Variants in HPCAL1 observed in about 807,000 individuals in gnomAD.
The protein encoded by HPCAL1 is hippocalcin like 1, also known as hippocalcin-like protein 1.
Under a neutral mutation model 17.1 loss-of-function variants are expected in HPCAL1, and 8 were observed. The ratio of observed to expected loss-of-function variants is 0.47; its 90% confidence interval spans 0.27 to 0.84. The LOEUF (loss-of-function observed/expected upper bound fraction) is 0.84. Among genes scored for constraint, HPCAL1 ranks in the 40% least tolerant of loss-of-function variants. The pLI, the probability that HPCAL1 is intolerant of heterozygous loss-of-function variation, is 0.13. For synonymous variants in HPCAL1, 112 were observed against 111.4 expected (o/e 1.01, Z -0.03); for missense variants, 165 against 271.1 (o/e 0.61, Z 2.75).
intron 2 of HPCAL1, among the ~76,000 whole-genome samples, chr2:10,411,347 C>T (rs1359509329): frequency 1.3e-5 from 2 of 152,202 alleles, no homozygotes; most frequent in Non-Finnish European, 2.9e-5. Context: ...AAGCCTCGGT[C>T]CCTTGTCCCT....
At chr2:10,381,919 A>G (rs1476533831) in intron 1 of HPCAL1, among the ~76,000 whole-genome samples, 1 of 152,200 alleles carries the variant, frequency 6.6e-6, no homozygotes, top group Non-Finnish European at 1.5e-5. Flanking sequence ...GCTCCTTGAT[A>G]TTTACCCAGA....
rs189709395 is a variant in HPCAL1 at position 10,338,986 on chromosome 2, T to G, written c.-111+35809T>G. On this transcript the variant is annotated intron_variant, in intron 1 of 4. Coordinates refer to ENST00000307845, the MANE Select transcript of HPCAL1 (RefSeq NM_002149.4). ...AATTCTCAAAGCAGCCCTGTGGCACTGAGGTGGCTGGAGATGGAGGGATGT... is the reference window on the plus strand; with the variant it reads ...AATTCTCAAAGCAGCCCTGTGGCACGGAGGTGGCTGGAGATGGAGGGATGT... Among the ~76,000 whole-genome samples the G allele has an allele frequency of 1.6e-3, 245 of 152,276 alleles. 1 individual carries two copies. Among genetic ancestry groups the G allele is most frequent in the African/African-American group, 5.4e-3 (226 of 41,558 alleles).
At chr2:10,416,749 GAATT>G (rs1312152403) in intron 2 of HPCAL1, among the ~76,000 whole-genome samples, 1 of 149,714 alleles carries the variant, frequency 6.7e-6, no homozygotes, top group Non-Finnish European at 1.5e-5. Context: ...TTCCTCTTGT[GAATT>G]AATTGAGTTT....
rs996585718 is a variant in HPCAL1, at chr2:10,328,030, C to T, written c.-111+24853C>T. 1.6e-4 allele frequency among the ~76,000 whole-genome samples: 24 copies of T among 152,196 alleles called. 1 individual carries two copies. The highest frequency in any genetic ancestry group is 5.5e-4 in the African/African-American group (23 of 41,454). Reference sequence around the variant, plus strand: ...TGTCCACAAGCTGTTCATGGTGTAGCTGTTCATGTAGCTCAGCTGTGGGAA... The same window carrying T: ...TGTCCACAAGCTGTTCATGGTGTAGTTGTTCATGTAGCTCAGCTGTGGGAA... On this transcript the variant is annotated intron_variant, in intron 1 of 4. Transcript: ENST00000307845.
rs967141505 is a variant in HPCAL1 at position 10,330,390 on chromosome 2, C to T, written c.-111+27213C>T. 6.6e-6 allele frequency among the ~76,000 whole-genome samples: 1 copy of T among 152,208 alleles called. No individual in the cohort carries two copies. The highest frequency in any genetic ancestry group is 1.5e-5 in the Non-Finnish European group (1 of 68,040). Reference sequence around the variant, plus strand: ...GCCACCCTGCCCCTCCCCACCAAGCCCTGAGTCGTCTAACCTTCCCGGTGT... The same window carrying T: ...GCCACCCTGCCCCTCCCCACCAAGCTCTGAGTCGTCTAACCTTCCCGGTGT... On this transcript the variant is annotated intron_variant, in intron 1 of 4. Coordinates refer to ENST00000307845, the MANE Select transcript of HPCAL1 (RefSeq NM_002149.4). This position sits in a 1 kb window ranked among gnomAD's most constrained non-coding sequence, Gnocchi z 4.2.
intron 1 of HPCAL1, among the ~76,000 whole-genome samples, chr2:10,311,516 C>T (rs908663219): frequency 2.0e-5 from 3 of 152,110 alleles, no homozygotes; most frequent in Non-Finnish European, 4.4e-5. Context: ...ATGCTGTTAC[C>T]TTATCTAAAA....
chr2:10,316,206 T>C (rs1663304718), intron 1 of HPCAL1, among the ~76,000 whole-genome samples: 1 of 152,238 alleles, frequency 6.6e-6, no homozygotes, highest in South Asian at 2.1e-4. Context: ...TGGTTTGATG[T>C]CCTGATACCA....
rs932397188 is a variant in HPCAL1, at chr2:10,342,335, C to T, written c.-111+39158C>T. Among the ~76,000 whole-genome samples the T allele has an allele frequency of 1.3e-5, 2 of 152,206 alleles. No individual in the cohort carries two copies. The highest frequency in any genetic ancestry group is 6.5e-5 in the Admixed American group (1 of 15,284). On this transcript the variant is annotated intron_variant, in intron 1 of 4. Transcript: ENST00000307845. The surrounding 1 kb of genome is among the most constrained non-coding windows in gnomAD (Gnocchi z 4.1). ...CTCGCCCGCCTCCAGGGGCACACTG[C>T]ATTCTTTGTGGAAGTGTCCCTGGAA...
chr2:10,376,048 C>T (rs977116403), intron 1 of HPCAL1, among the ~76,000 whole-genome samples: 7 of 152,102 alleles, frequency 4.6e-5, no homozygotes, highest in Non-Finnish European at 8.8e-5. Context: ...GCAATTTGGT[C>T]GATTAAAAGA....
intron 2 of HPCAL1, among the ~76,000 whole-genome samples, chr2:10,413,042 C>T (rs1293156816): frequency 6.6e-6 from 1 of 152,242 alleles, no homozygotes; most frequent in African/African-American, 2.4e-5. Flanking sequence ...AGACCTGGAA[C>T]CTTAGGATGA....
intron 4 of HPCAL1, chr2:10,424,326 C>G: frequency 2.7e-6 from 1 of 364,260 alleles, no homozygotes; most frequent in Non-Finnish European, 5.6e-6. Flanking sequence ...CCTGGCGTTG[C>G]CTTTGGGCTG....
At chr2:10,337,159 C>A (rs1433539850) in intron 1 of HPCAL1, among the ~76,000 whole-genome samples, 2 of 152,104 alleles carry the variant, frequency 1.3e-5, no homozygotes, top group Admixed American at 6.5e-5. Context: ...GGGGCCCAAC[C>A]AGTGTTGGCG....
intron 1 of HPCAL1, among the ~76,000 whole-genome samples, chr2:10,364,640 G>A (rs931835822): frequency 2.0e-5 from 3 of 151,376 alleles, no homozygotes; most frequent in Non-Finnish European, 4.4e-5. Context: ...GCTGGAGTGC[G>A]GTGGTGCGAT....
At chr2:10,383,125 C>T (rs1359639717) in intron 1 of HPCAL1, among the ~76,000 whole-genome samples, 3 of 152,226 alleles carry the variant, frequency 2.0e-5, no homozygotes, top group Non-Finnish European at 4.4e-5. Flanking sequence ...GTCATCCCAG[C>T]ACTTTGGGAA....
Position 10,359,044 on chromosome 2 carries a change from G to A in HPCAL1, c.-110-37791G>A, listed in dbSNP as rs1233276680. 2.0e-5 allele frequency among the ~76,000 whole-genome samples: 3 copies of A among 152,016 alleles called. No homozygotes were observed. The highest frequency in any genetic ancestry group is 2.1e-4 in the South Asian group (1 of 4,824). On this transcript the variant is annotated intron_variant, in intron 1 of 4. Coordinates refer to ENST00000307845, the MANE Select transcript of HPCAL1 (RefSeq NM_002149.4). This position sits in a 1 kb window ranked among gnomAD's most constrained non-coding sequence, Gnocchi z 4.1. ...GCATGCTCCCCTTGAGGTTTGACCC[G>A]TCTGCATGCTCCCCTCGAGGTTTGA...
rs150259118 is a variant in HPCAL1 at position 10,426,776 on chromosome 2, C to T, written c.537C>T (p.Ile179=). 1,505 of 1,613,424 alleles carry T rather than the reference C, an allele frequency of 9.3e-4. 17 individuals carry two copies. The highest frequency in any genetic ancestry group is 9.1e-5 in the Non-Finnish European group (107 of 1,179,992). ...GAGGTGCCAAGAGCGACCCCTCCAT[C>T]GTCCGCCTGCTGCAGTGCGACCCCA... ...FIRGAKSDPS[I]VRLLQCDPSS... The change falls in exon 5 of 5, where the codon ATC becomes ATT. Residue 179 remains isoleucine (I), a synonymous_variant. Transcript: ENST00000307845.
At chr2:10,399,501 A>G (rs1406164341) in intron 2 of HPCAL1, among the ~76,000 whole-genome samples, 28 of 139,024 alleles carry the variant, frequency 2.0e-4, no homozygotes, top group South Asian at 9.5e-4. Context: ...CACCATCACC[A>G]TCACCACCAC....
chr2:10,410,967 G>A lies in HPCAL1; in HGVS notation c.-24-8767G>A, dbSNP rs146386002. Among the ~76,000 whole-genome samples the A allele has an allele frequency of 5.6e-3, 845 of 152,016 alleles. 8 individuals carry two copies. The highest frequency in any genetic ancestry group is 0.02 in the African/African-American group (816 of 41,424). On this transcript the variant is annotated intron_variant, in intron 2 of 4. Coordinates refer to ENST00000307845, the MANE Select transcript of HPCAL1 (RefSeq NM_002149.4). ...TTTCTTGTGAGGCAGCCTGCGTCGG[G>A]CCCGACAGCCTCCAGGAGAGAGCTA...
chr2:10,414,298 G>C lies in HPCAL1; in HGVS notation c.-24-5436G>C, dbSNP rs898595795. On this transcript the variant is annotated intron_variant, in intron 2 of 4. Transcript: ENST00000307845. ...GGTGGCTGCTGTGCTACTGTAACACGGGACTGCAGACTGGGCACTTAAACT... is the reference window on the plus strand; with the variant it reads ...GGTGGCTGCTGTGCTACTGTAACACCGGACTGCAGACTGGGCACTTAAACT... Among the ~76,000 whole-genome samples the C allele has an allele frequency of 3.3e-5, 5 of 152,284 alleles. No individual in the cohort carries two copies. In the South Asian group the frequency reaches 8.3e-4, roughly 25 times the overall value.
Sources: allele counts gnomAD v4.1 joint callset (sites outside exome capture counted in the v4.1 genomes callset), GRCh38; gene constraint gnomAD v4.1.1; non-coding constraint Gnocchi (gnomAD v3.1); transcripts MANE v1.5; gene names NCBI Gene and HGNC (gene_info 2026-07-23, HGNC 2026-07-21).